The following PIK3CB variants were observed in gnomAD, a reference collection of about 807,000 sequenced individuals.
PIK3CB encodes the protein phosphatidylinositol-4,5-bisphosphate 3-kinase catalytic subunit beta.
In PIK3CB, 39 loss-of-function variants were observed where a neutral mutation model predicts 136.8. That is an observed-to-expected ratio of 0.29 (90% confidence interval 0.22 to 0.37). PIK3CB has a LOEUF of 0.37. Among genes scored for constraint, PIK3CB ranks in the 10% least tolerant of loss-of-function variants. The probability of loss-of-function intolerance (pLI) is 1.00; values close to 1 mark genes in which losing one functional copy is unlikely to be tolerated. For synonymous variants in PIK3CB, 428 were observed against 436.6 expected (o/e 0.98, Z 0.25); for missense variants, 868 against 1,275.4 (o/e 0.68, Z 4.87).
At chr3:138,703,719 T>TA (rs1249191517) in intron 12 of PIK3CB, among the ~76,000 whole-genome samples, 1 of 152,100 alleles carries the variant, frequency 6.6e-6, no homozygotes, top group Non-Finnish European at 1.5e-5. Context: ...GGGAATAGTA[T>TA]ATGTGGCAGA....
intron 1 of PIK3CB, among the ~76,000 whole-genome samples, chr3:138,812,178 T>C (rs1307964349): frequency 6.6e-6 from 1 of 151,632 alleles, no homozygotes; most frequent in East Asian, 1.9e-4. Context: ...GATTAGTGGT[T>C]GCCAGAGGTT....
intron 6 of PIK3CB, among the ~76,000 whole-genome samples, chr3:138,735,024 C>T (rs1214960521): frequency 6.7e-6 from 1 of 150,360 alleles, no homozygotes; most frequent in Non-Finnish European, 1.5e-5. Flanking sequence ...TCACAGCTCA[C>T]TGCAGCCTCA....
intron 2 of PIK3CB, chr3:138,770,553 A>G (rs954506328): frequency 2.0e-5 from 3 of 151,940 alleles, no homozygotes; most frequent in Admixed American, 2.0e-4. Context: ...ACTAAAAAAT[A>G]CAAAAAATTA....
chr3:138,825,445 G>A, intron 1 of PIK3CB: 2 of 695,734 alleles, frequency 2.9e-6, no homozygotes, highest in South Asian at 1.6e-5. Flanking sequence ...ATACAGATAT[G>A]AGGAAATCAT....
At chr3:138,824,439 C>CT (rs1933692385) in intron 1 of PIK3CB, among the ~76,000 whole-genome samples, 1 of 152,138 alleles carries the variant, frequency 6.6e-6, no homozygotes, top group Non-Finnish European at 1.5e-5. Context: ...AAGCCAGCTA[C>CT]TCCCAGTTAA....
chr3:138,677,882 G>A (rs1424879010), intron 19 of PIK3CB, among the ~76,000 whole-genome samples: 1 of 151,758 alleles, frequency 6.6e-6, no homozygotes, highest in Non-Finnish European at 1.5e-5. Context: ...GCAACAAGAG[G>A]GAAACTCCCG....
At chr3:138,779,821 G>T (rs1024926502) in intron 2 of PIK3CB, among the ~76,000 whole-genome samples, 1 of 151,960 alleles carries the variant, frequency 6.6e-6, no homozygotes, top group Non-Finnish European at 1.5e-5. Flanking sequence ...GAGCCACCAT[G>T]CCTGGCCCAA....
chr3:138,790,432 G>A (rs1339713005), intron 2 of PIK3CB, among the ~76,000 whole-genome samples: 1 of 150,352 alleles, frequency 6.7e-6, no homozygotes, highest in Non-Finnish European at 1.5e-5. Flanking sequence ...GAGAAACAGG[G>A]CAAAACCCTG....
intron 2 of PIK3CB, among the ~76,000 whole-genome samples, chr3:138,761,791 T>G (rs971579105): frequency 2.7e-5 from 4 of 150,462 alleles, no homozygotes; most frequent in African/African-American, 9.8e-5. Context: ...AATACAAAAA[T>G]TAGTCGGGGG....
At chr3:138,735,823 A>AT (rs1484875417) in intron 6 of PIK3CB, among the ~76,000 whole-genome samples, 1 of 152,108 alleles carries the variant, frequency 6.6e-6, no homozygotes, top group Non-Finnish European at 1.5e-5. Flanking sequence ...TTAAAAATAC[A>AT]TTTTTGTCAG....
chr3:138,704,747 A>G (rs1305759903), intron 11 of PIK3CB, among the ~76,000 whole-genome samples: 2 of 152,174 alleles, frequency 1.3e-5, no homozygotes, highest in Non-Finnish European at 2.9e-5. Context: ...AACAAGTACC[A>G]GCTAGCATAT....
intron 14 of PIK3CB, among the ~76,000 whole-genome samples, chr3:138,693,422 G>A (rs376688203): frequency 6.7e-6 from 1 of 149,588 alleles, no homozygotes; most frequent in Non-Finnish European, 1.5e-5. Flanking sequence ...TTTTGGAGAC[G>A]GAGTCTCGCT....
intron 4 of PIK3CB, among the ~76,000 whole-genome samples, chr3:138,750,637 C>T (rs1257952086): frequency 6.6e-6 from 1 of 152,192 alleles, no homozygotes; most frequent in Non-Finnish European, 1.5e-5. Flanking sequence ...CAATGGAACA[C>T]CAGAACTTAT....
rs548976573 is a variant in PIK3CB, at chr3:138,759,664, T to TAC, written c.-16-307_-16-306dup. Among the ~76,000 whole-genome samples, 664 of 151,680 alleles carry TAC rather than the reference T, an allele frequency of 4.4e-3. 6 individuals carry two copies. The highest frequency in any genetic ancestry group is 0.015 in the African/African-American group (619 of 41,450). On this transcript the variant is annotated intron_variant, in intron 2 of 23. Transcript: ENST00000674063. ...ATAAAAATATATACACATACATATG[T>TAC]ACACACACACACACCACATTGATTC...
chr3:138,792,467 G>A (rs935831060), intron 2 of PIK3CB, among the ~76,000 whole-genome samples: 4 of 152,226 alleles, frequency 2.6e-5, no homozygotes, highest in East Asian at 1.9e-4. Context: ...TCGACCTCCT[G>A]GGCTCAAGCA....
At chr3:138,744,044 A>G (rs897809265) in intron 4 of PIK3CB, among the ~76,000 whole-genome samples, 2 of 152,202 alleles carry the variant, frequency 1.3e-5, no homozygotes, top group African/African-American at 4.8e-5. Flanking sequence ...GAAAAAAAGA[A>G]AATGTTATTA....
intron 2 of PIK3CB, among the ~76,000 whole-genome samples, chr3:138,791,741 C>G (rs1319563627): frequency 6.6e-6 from 1 of 152,182 alleles, no homozygotes; most frequent in African/African-American, 2.4e-5. Flanking sequence ...CCTCCCCACC[C>G]TATCCAAAAT....
intron 2 of PIK3CB, among the ~76,000 whole-genome samples, chr3:138,787,048 C>A (rs574309098): frequency 6.6e-6 from 1 of 152,150 alleles, no homozygotes; most frequent in Non-Finnish European, 1.5e-5. Context: ...ACAATATCAT[C>A]TTTATGAACA....
chr3:138,827,595 C>G (rs1933839516), intron 1 of PIK3CB, among the ~76,000 whole-genome samples: 1 of 151,874 alleles, frequency 6.6e-6, no homozygotes, highest in South Asian at 2.1e-4. Flanking sequence ...AGGAGGATCA[C>G]TTGAGCACAG....
Sources: gnomAD v4.1 joint callset for allele counts (sites outside exome capture counted in the v4.1 genomes callset) on GRCh38, gnomAD v4.1.1 for gene constraint, MANE v1.5 for transcripts, NCBI Gene and HGNC (gene_info 2026-07-23, HGNC 2026-07-21) for gene names.